Variants in TMEM230 observed in about 807,000 individuals in gnomAD.
TMEM230 encodes UPF0414 transmembrane protein C20orf30.
TMEM230 carries 10 observed loss-of-function variants against 15.8 expected under a neutral mutation model. That is an observed-to-expected ratio of 0.63 (90% CI 0.39 to 1.07). The LOEUF (loss-of-function observed/expected upper bound fraction) is 1.07. Ranked by LOEUF, TMEM230 falls within the 50% of genes least tolerant of loss-of-function variation. The pLI, the probability that TMEM230 is intolerant of heterozygous loss-of-function variation, is 0.01. For missense variants in TMEM230, 165 were observed against 193.3 expected (o/e 0.85, Z 0.87); for synonymous variants, 67 against 76.9 (o/e 0.87, Z 0.68).
chr20:5,066,607 G>A (rs951817429), downstream of TMEM230, among the ~76,000 whole-genome samples: 1 of 151,512 alleles, frequency 6.6e-6, no homozygotes, highest in Admixed American at 6.6e-5. Context: ...GGGGGGCAGA[G>A]GTTGCAGTGA....
chr20:5,072,432 T>G (rs1200374967), intron 3 of TMEM230, among the ~76,000 whole-genome samples: 2 of 152,182 alleles, frequency 1.3e-5, no homozygotes, highest in African/African-American at 4.8e-5. Context: ...CAGGGAAGGA[T>G]AGCCACCCAT....
At chr20:5,079,453 A>G (rs1043346541) in intron 3 of TMEM230, among the ~76,000 whole-genome samples, 2 of 152,200 alleles carry the variant, frequency 1.3e-5, no homozygotes, top group Non-Finnish European at 2.9e-5. Flanking sequence ...TTGCATTTGT[A>G]GATGAATTTG....
At chr20:5,094,491 G>A (rs1200669647) in intron 3 of TMEM230, among the ~76,000 whole-genome samples, 3 of 151,422 alleles carry the variant, frequency 2.0e-5, no homozygotes, top group South Asian at 2.1e-4. Context: ...GGAGGATCAC[G>A]AGGTCAGCAG....
chr20:5,078,243 A>T lies in TMEM230; in HGVS notation c.223-8894T>A, dbSNP rs139762212. On this transcript the variant is annotated intron_variant, in intron 3 of 3. Transcript: ENST00000612323. ...TTAATGCTCTGCTGTCACCCTCTTG[A>T]AGTTTTTAATCAGTTTTTAAACAAG... Among the ~76,000 whole-genome samples, 385 of 152,238 alleles carry T rather than the reference A, an allele frequency of 2.5e-3. 3 individuals carry two copies. Among genetic ancestry groups the T allele is most frequent in the African/African-American group, 8.9e-3 (370 of 41,534 alleles).
At chr20:5,075,256 C>T (rs112408275) in intron 3 of TMEM230, among the ~76,000 whole-genome samples, 3,274 of 148,896 alleles carry the variant, frequency 0.022, 141 homozygotes, top group African/African-American at 0.076. Flanking sequence ...GTAGAGATGG[C>T]GTTTCTCTAT....
chr20:5,081,573 T>C (rs2089175531), intron 3 of TMEM230, among the ~76,000 whole-genome samples: 1 of 152,072 alleles, frequency 6.6e-6, no homozygotes, highest in African/African-American at 2.4e-5. Flanking sequence ...CATGCCCAAA[T>C]GGGGTGCAGA....
intron 3 of TMEM230, among the ~76,000 whole-genome samples, chr20:5,071,521 G>T (rs2088824281): frequency 6.6e-6 from 1 of 151,576 alleles, no homozygotes; most frequent in African/African-American, 2.4e-5. Flanking sequence ...TACTTGGGAG[G>T]CCAAGGCAGG....
chr20:5,104,682 A>T lies in TMEM230; in HGVS notation c.411+1506T>A, dbSNP rs529466066. On this transcript the variant is annotated intron_variant, in intron 4 of 4. Coordinates refer to ENST00000342308, the MANE Select transcript of TMEM230 (RefSeq NM_001009923.2). ...TGGTACATATATGCAATGGAGTACTATTCAGCCACTAAAAAGAATGAGATC... is the reference window on the plus strand; with the variant it reads ...TGGTACATATATGCAATGGAGTACTTTTCAGCCACTAAAAAGAATGAGATC... Among the ~76,000 whole-genome samples the T allele has an allele frequency of 2.0e-5, 3 of 152,366 alleles. No homozygotes were observed. In the South Asian group the frequency reaches 6.2e-4, roughly 32 times the overall value.
rs1360247657 is a variant in TMEM230 at position 5,072,214 on chromosome 20, C to A, written c.223-2865G>T. Among the ~76,000 whole-genome samples, 5 of 152,048 alleles carry A rather than the reference C, an allele frequency of 3.3e-5. No homozygotes were observed. In the East Asian group the frequency reaches 9.7e-4, roughly 29 times the overall value. On this transcript the variant is annotated intron_variant, in intron 3 of 3. Coordinates refer to the TMEM230 transcript ENST00000612323. ...TATAGGCATGCACCACCATGCCTGG[C>A]TGATTTTTGTATTTTTTTGTAGAAA...
chr20:5,091,175 T>C (rs1260637568), intron 3 of TMEM230, among the ~76,000 whole-genome samples: 1 of 152,138 alleles, frequency 6.6e-6, no homozygotes, highest in African/African-American at 2.4e-5. Context: ...ATTTTTTTAT[T>C]CTTTGTAAGG....
At chr20:5,084,958 T>C (rs2089294003) in intron 3 of TMEM230, among the ~76,000 whole-genome samples, 1 of 152,256 alleles carries the variant, frequency 6.6e-6, no homozygotes, top group African/African-American at 2.4e-5. Context: ...CAATTTTCTA[T>C]TTCTTCCTGA....
intron 4 of TMEM230, 131 bp downstream of exon 3, chr20:5,106,057 A>T: frequency 7.1e-7 from 1 of 1,399,112 alleles, no homozygotes; most frequent in Non-Finnish European, 9.4e-7. Flanking sequence ...TCTCAAAAAA[A>T]ACAGACCACT....
chr20:5,076,866 C>T (rs1175831656), intron 3 of TMEM230, among the ~76,000 whole-genome samples: 2 of 151,258 alleles, frequency 1.3e-5, no homozygotes, highest in Non-Finnish European at 2.9e-5. Flanking sequence ...TTAGTACAGA[C>T]GGGGTTTCGC....
chr20:5,063,923 C>T (rs1330915361), downstream of TMEM230, among the ~76,000 whole-genome samples: 1 of 151,908 alleles, frequency 6.6e-6, no homozygotes, highest in Non-Finnish European at 1.5e-5. Flanking sequence ...AAAATGTGGC[C>T]AAAGTGGTAC....
At chr20:5,101,730 C>T (rs2089873016) in intron 4 of TMEM230, among the ~76,000 whole-genome samples, 1 of 152,148 alleles carries the variant, frequency 6.6e-6, no homozygotes, top group Admixed American at 6.6e-5. Flanking sequence ...ACCTGGCTGG[C>T]TGTGTTCCCT....
At chr20:5,076,669 T>C (rs897927068) in intron 3 of TMEM230, among the ~76,000 whole-genome samples, 6 of 151,000 alleles carry the variant, frequency 4.0e-5, no homozygotes, top group African/African-American at 1.5e-4. Flanking sequence ...ATTCTTGGAT[T>C]GATATTCTTT....
chr20:5,078,308 A>C (rs2089066833), intron 3 of TMEM230, among the ~76,000 whole-genome samples: 1 of 152,190 alleles, frequency 6.6e-6, no homozygotes, highest in Non-Finnish European at 1.5e-5. Flanking sequence ...CCCACAAGTT[A>C]CAAGTTATGT....
chr20:5,061,639 GGT>G, the TMEM230 span, among the ~76,000 whole-genome samples: 1 of 152,120 alleles, frequency 6.6e-6, no homozygotes, highest in Admixed American at 6.6e-5. Context: ...TGAGAACATA[GGT>G]CATAGGCTGA....
intron 3 of TMEM230, among the ~76,000 whole-genome samples, chr20:5,082,071 G>A (rs2089197182): frequency 6.7e-6 from 1 of 150,020 alleles, no homozygotes; most frequent in South Asian, 2.1e-4. Context: ...TTTTTTAGCA[G>A]AGATGTGGTT....
Sources: gnomAD v4.1 joint callset for allele counts (sites outside exome capture counted in the v4.1 genomes callset) on GRCh38, gnomAD v4.1.1 for gene constraint, MANE v1.5 for transcripts, NCBI Gene and HGNC (gene_info 2026-07-23, HGNC 2026-07-21) for gene names.